The following SETD2 variants were observed in gnomAD, a reference collection of about 807,000 sequenced individuals.
The protein encoded by SETD2 is histone-lysine N-methyltransferase SETD2.
SETD2 carries 31 observed loss-of-function variants against 242.1 expected under a neutral mutation model. That is an observed-to-expected ratio of 0.13 (90% confidence interval 0.10 to 0.17). The LOEUF (loss-of-function observed/expected upper bound fraction) is 0.17. Among genes scored for constraint, SETD2 ranks in the 10% least tolerant of loss-of-function variants. SETD2 has a pLI of 1.00. For missense variants in SETD2, 2,481 were observed against 3,046.3 expected (o/e 0.81, Z 4.37); for synonymous variants, 1,006 against 1,066.5 (o/e 0.94, Z 1.11).
At chr3:47,091,660 G>A (rs1173090715) in intron 9 of SETD2, among the ~76,000 whole-genome samples, 1 of 152,156 alleles carries the variant, frequency 6.6e-6, no homozygotes, top group African/African-American at 2.4e-5. Flanking sequence ...CTACTCAGGA[G>A]GCTGTGGCAG....
At chr3:47,143,330 C>A (rs1011682318) in intron 1 of SETD2, among the ~76,000 whole-genome samples, 4 of 151,978 alleles carry the variant, frequency 2.6e-5, no homozygotes, top group African/African-American at 9.7e-5. Flanking sequence ...GGGGAAAAAA[C>A]CTTAACAAAA....
At chr3:47,088,828 T>C (rs948398663) in intron 9 of SETD2, among the ~76,000 whole-genome samples, 1 of 152,202 alleles carries the variant, frequency 6.6e-6, no homozygotes, top group South Asian at 2.1e-4. Flanking sequence ...AAATTCTACT[T>C]ATCAGAATAA....
Position 47,120,746 on chromosome 3 carries a change from C to T in SETD2, c.3890G>A (p.Arg1297His), listed in dbSNP as rs370953553. 115 of 1,614,202 alleles carry T rather than the reference C, an allele frequency of 7.1e-5. No individual in the cohort carries two copies. The highest frequency in any genetic ancestry group is 9.1e-5 in the Non-Finnish European group (107 of 1,180,034). Reference protein sequence around the residue: ...QQNAEQYGGTRDYWQGNGYWD... With the variant: ...QQNAEQYGGTHDYWQGNGYWD... ...GTAACCATTGCCTTGCCAGTAATCA[C>T]GTGTCCCACCATACTGTTCTGCATT... Residue 1297 changes from arginine to histidine, a missense_variant, in exon 3 of 21, where the codon CGT becomes CAT. By Grantham distance (29) the Arg-to-His change is conservative. This residue lies in a region of SETD2 where 1,300 missense variants were observed against 1,259.2 expected (regional missense o/e 1.03). Coordinates refer to ENST00000409792, the MANE Select transcript of SETD2 (RefSeq NM_014159.7).
intron 15 of SETD2, among the ~76,000 whole-genome samples, chr3:47,051,189 T>G (rs963332986): frequency 7.2e-5 from 11 of 151,754 alleles, no homozygotes; most frequent in Non-Finnish European, 1.2e-4. Flanking sequence ...ACAGCAGCCT[T>G]GACCTCCTGG....
chr3:47,053,753 G>T (rs1174048887), intron 15 of SETD2, among the ~76,000 whole-genome samples: 2 of 152,142 alleles, frequency 1.3e-5, no homozygotes, highest in South Asian at 4.1e-4. Flanking sequence ...GCTCCTAGAG[G>T]TCAGATTTTT....
At chr3:47,058,274 T>C (rs1314755731) in intron 14 of SETD2, among the ~76,000 whole-genome samples, 6 of 151,300 alleles carry the variant, frequency 4.0e-5, no homozygotes, top group East Asian at 3.9e-4. Flanking sequence ...GAAATACCCA[T>C]CTCTACTACA....
In SETD2 at chr3:47,056,012, C is replaced by CAA. The variant is rs1167181294; in HGVS notation, c.6963+807_6963+808dup. On this transcript the variant is annotated intron_variant, in intron 15 of 20. Coordinates refer to ENST00000409792, the MANE Select transcript of SETD2 (RefSeq NM_014159.7). ...TGGGGGACAGAGCGAGACTCCGTCTCAAAAAAAAAAAAAAAAAAAAAAAAA... is the reference window on the plus strand; with the variant it reads ...TGGGGGACAGAGCGAGACTCCGTCTCAAAAAAAAAAAAAAAAAAAAAAAAAAA... 3.6e-3 allele frequency among the ~76,000 whole-genome samples: 144 copies of CAA among 39,550 alleles called. 40 individuals are homozygous for CAA. The highest frequency in any genetic ancestry group is 8.6e-3 in the African/African-American group (73 of 8,468). 25.9% of individuals were successfully genotyped at this position (39,550 alleles called of 152,430 possible).
intron 13 of SETD2, among the ~76,000 whole-genome samples, chr3:47,066,112 T>G (rs1464452300): frequency 6.6e-6 from 1 of 152,330 alleles, no homozygotes; most frequent in Middle Eastern, 3.4e-3. Flanking sequence ...AAGATAAGGA[T>G]GAAGACCTCT....
intron 1 of SETD2, among the ~76,000 whole-genome samples, chr3:47,143,438 A>G (rs2043781553): frequency 6.6e-6 from 1 of 152,236 alleles, no homozygotes; most frequent in African/African-American, 2.4e-5. Context: ...AGGATAAGGC[A>G]CTACAGTGCT....
At chr3:47,029,976 C>T (rs1037953873) in intron 18 of SETD2, among the ~76,000 whole-genome samples, 3 of 151,774 alleles carry the variant, frequency 2.0e-5, no homozygotes, top group African/African-American at 7.3e-5. Context: ...GCCAACAGGG[C>T]AAAACCCCAT....
intron 9 of SETD2, among the ~76,000 whole-genome samples, chr3:47,093,166 T>C (rs1197559218): frequency 6.6e-6 from 1 of 152,176 alleles, no homozygotes; most frequent in East Asian, 1.9e-4. Context: ...AATGAAATCA[T>C]ACTGGACAAA....
At chr3:47,062,724 A>G (rs1476472812) in intron 13 of SETD2, among the ~76,000 whole-genome samples, 1 of 152,204 alleles carries the variant, frequency 6.6e-6, no homozygotes, top group Non-Finnish European at 1.5e-5. Flanking sequence ...ATAACTCTTC[A>G]TATTTATAAT....
At chr3:47,072,886 G>A (rs1223730606) in intron 12 of SETD2, among the ~76,000 whole-genome samples, 1 of 150,786 alleles carries the variant, frequency 6.6e-6, no homozygotes, top group Admixed American at 6.6e-5. Context: ...GGCGGAGCTT[G>A]CAGTGAGCCG....
intron 12 of SETD2, among the ~76,000 whole-genome samples, chr3:47,077,054 C>A (rs983440338): frequency 6.6e-6 from 1 of 152,034 alleles, no homozygotes; most frequent in African/African-American, 2.4e-5. Flanking sequence ...ATGGCAGGAG[C>A]CTGAATTAAA....
At chr3:47,156,328 A>C (rs1186870201) in intron 1 of SETD2, among the ~76,000 whole-genome samples, 2 of 152,250 alleles carry the variant, frequency 1.3e-5, no homozygotes, top group Non-Finnish European at 2.9e-5. Context: ...ATGACTGAGA[A>C]GATCTGGAAA....
At chr3:47,096,104 G>A (rs1351397981) in intron 9 of SETD2, among the ~76,000 whole-genome samples, 1 of 152,088 alleles carries the variant, frequency 6.6e-6, no homozygotes, top group Non-Finnish European at 1.5e-5. Flanking sequence ...AAAACAATAT[G>A]TTCTAAAATG....
intron 9 of SETD2, among the ~76,000 whole-genome samples, chr3:47,094,045 T>C (rs1229296357): frequency 1.3e-5 from 2 of 152,226 alleles, no homozygotes; most frequent in African/African-American, 2.4e-5. Context: ...TTCTGGATAG[T>C]AGTATTCATT....
At chr3:47,088,290 A>G in intron 9 of SETD2, 43 bp from the exon 10 acceptor site, 1 of 1,504,754 alleles carries the variant, frequency 6.6e-7, no homozygotes, top group Non-Finnish European at 9.0e-7. Flanking sequence ...AACAACAACA[A>G]CAAAAAAAAA....
At chr3:47,149,111 T>G (rs1372566420) in intron 1 of SETD2, among the ~76,000 whole-genome samples, 1 of 152,218 alleles carries the variant, frequency 6.6e-6, no homozygotes, top group Admixed American at 6.5e-5. Flanking sequence ...AGGTCAATTC[T>G]GAAGACCTTT....
Sources: allele counts gnomAD v4.1 joint callset (sites outside exome capture counted in the v4.1 genomes callset), GRCh38; gene constraint gnomAD v4.1.1; regional missense constraint gnomAD v4.1.1; transcripts MANE v1.5; gene names NCBI Gene and HGNC (gene_info 2026-07-23, HGNC 2026-07-21).